Variants in HDAC9 observed in about 807,000 individuals in gnomAD.
HDAC9 encodes histone deacetylase 9.
In HDAC9, 41 loss-of-function variants were observed where a neutral mutation model predicts 139.4. The ratio of observed to expected loss-of-function variants is 0.29; its 90% CI spans 0.23 to 0.38. HDAC9 has a LOEUF of 0.38. Ranked by LOEUF, HDAC9 falls within the 10% of genes least tolerant of loss-of-function variation. The pLI, the probability that HDAC9 is intolerant of heterozygous loss-of-function variation, is 1.00. For missense variants in HDAC9, 1,147 were observed against 1,297.0 expected, an observed-to-expected ratio of 0.88 and a Z score of 1.78; for synonymous variants, 517 against 476.2, an observed-to-expected ratio of 1.09 and a Z score of -1.12.
At chr7:18,885,837 C>T (rs552543816) in intron 22 of HDAC9, among the ~76,000 whole-genome samples, 17 of 152,264 alleles carry the variant, frequency 1.1e-4, no homozygotes, top group Admixed American at 1.0e-3. Flanking sequence ...GACCATGTTT[C>T]CTATTTCTCA....
chr7:18,678,693 G>T (rs1781687030), intron 12 of HDAC9, among the ~76,000 whole-genome samples: 1 of 151,716 alleles, frequency 6.6e-6, no homozygotes, highest in African/African-American at 2.4e-5. Context: ...TTAAATCCTT[G>T]AGTGTATTTT....
At chr7:18,461,981 A>C (rs1251970841) in intron 1 of HDAC9, among the ~76,000 whole-genome samples, 2 of 152,082 alleles carry the variant, frequency 1.3e-5, no homozygotes, top group East Asian at 3.9e-4. Flanking sequence ...GGAGAAACTG[A>C]GCAGTGTGGT....
intron 2 of HDAC9, among the ~76,000 whole-genome samples, chr7:18,180,104 C>T (rs972799077): frequency 2.6e-5 from 4 of 152,084 alleles, no homozygotes; most frequent in African/African-American, 7.2e-5. Context: ...AATTACATGT[C>T]AGCTCCTTAC....
At chr7:18,263,936 T>C (rs1258880701) in intron 2 of HDAC9, among the ~76,000 whole-genome samples, 1 of 151,978 alleles carries the variant, frequency 6.6e-6, no homozygotes, top group East Asian at 1.9e-4. Flanking sequence ...ACAATAGATT[T>C]TAAAGGACAA....
intron 2 of HDAC9, among the ~76,000 whole-genome samples, chr7:18,210,488 G>A: frequency 6.6e-6 from 1 of 152,116 alleles, no homozygotes; most frequent in Admixed American, 6.5e-5. Flanking sequence ...TAGAACTAAA[G>A]ATATGTCGAG....
At chr7:18,293,098 A>G (rs1012491924) in intron 1 of HDAC9, among the ~76,000 whole-genome samples, 1 of 152,166 alleles carries the variant, frequency 6.6e-6, no homozygotes, top group African/African-American at 2.4e-5. Context: ...GCAATCTGAT[A>G]CAATTTGCAA....
chr7:18,512,008 T>C (rs1351290281), intron 2 of HDAC9, among the ~76,000 whole-genome samples: 1 of 119,610 alleles, frequency 8.4e-6, no homozygotes, highest in Admixed American at 9.5e-5. Flanking sequence ...CTGTTAATAA[T>C]GAATTAAGCA....
At chr7:18,774,304 C>G (rs1159178891) in intron 16 of HDAC9, among the ~76,000 whole-genome samples, 2 of 151,922 alleles carry the variant, frequency 1.3e-5, no homozygotes, top group African/African-American at 4.8e-5. Context: ...TATTTTTATG[C>G]TCCTGAAATC....
At chr7:18,152,634 G>C (rs965585271) in intron 1 of HDAC9, among the ~76,000 whole-genome samples, 1 of 152,062 alleles carries the variant, frequency 6.6e-6, no homozygotes, top group African/African-American at 2.4e-5. Context: ...AGAAATCACT[G>C]GTATGAAATC....
At chr7:18,736,030 CTGTT>C (rs1328486413) in intron 13 of HDAC9, among the ~76,000 whole-genome samples, 21 of 152,278 alleles carry the variant, frequency 1.4e-4, no homozygotes, top group South Asian at 4.2e-4. Flanking sequence ...ATTTGACTCT[CTGTT>C]TGTCTGTTAT....
At chr7:18,315,332 G>A (rs1268159658) in intron 1 of HDAC9, among the ~76,000 whole-genome samples, 1 of 151,958 alleles carries the variant, frequency 6.6e-6, no homozygotes, top group Non-Finnish European at 1.5e-5. Flanking sequence ...TGTTATGATC[G>A]TCCCTTTAGA....
intron 2 of HDAC9, among the ~76,000 whole-genome samples, chr7:18,170,100 T>G (rs1336096392): frequency 1.3e-5 from 2 of 152,210 alleles, no homozygotes; most frequent in African/African-American, 4.8e-5. Context: ...TTCCTATTTC[T>G]CCACATCCTC....
intron 24 of HDAC9, among the ~76,000 whole-genome samples, chr7:18,962,104 T>C (rs1484260501): frequency 1.3e-5 from 2 of 152,180 alleles, no homozygotes; most frequent in African/African-American, 4.8e-5. Flanking sequence ...CCTTATAAAC[T>C]TGTAAAATAC....
intron 22 of HDAC9, among the ~76,000 whole-genome samples, chr7:18,907,404 G>T (rs576425320): frequency 6.6e-6 from 1 of 152,298 alleles, no homozygotes; most frequent in East Asian, 1.9e-4. Flanking sequence ...ATGAAGTTTT[G>T]TTTACAATGA....
chr7:18,257,490 T>C (rs1795354188), intron 2 of HDAC9, among the ~76,000 whole-genome samples: 1 of 150,984 alleles, frequency 6.6e-6, no homozygotes, highest in South Asian at 2.1e-4. Flanking sequence ...CTACATAGAA[T>C]CCAGGTGCTA....
chr7:18,198,102 A>T (rs1430576680), intron 2 of HDAC9, among the ~76,000 whole-genome samples: 1 of 152,164 alleles, frequency 6.6e-6, no homozygotes, highest in Non-Finnish European at 1.5e-5. Context: ...CATCTTTTAT[A>T]TCCCTTTTTT....
At chr7:18,814,060 C>A (rs1421044224) in intron 17 of HDAC9, among the ~76,000 whole-genome samples, 4 of 152,138 alleles carry the variant, frequency 2.6e-5, no homozygotes, top group African/African-American at 4.8e-5. Flanking sequence ...TTCAGACTGT[C>A]GGGATTTCAT....
chr7:18,896,169 A>T (rs1390484984), intron 22 of HDAC9, among the ~76,000 whole-genome samples: 1 of 152,100 alleles, frequency 6.6e-6, no homozygotes, highest in African/African-American at 2.4e-5. Context: ...TTTATTTTCC[A>T]TTAGAGTCTT....
intron 2 of HDAC9, among the ~76,000 whole-genome samples, chr7:18,563,838 CT>C (rs374816857): frequency 0.015 from 2,010 of 132,912 alleles, 18 homozygotes; most frequent in African/African-American, 0.017. Context: ...TGATTTGCTG[CT>C]TTTTTTTTTT....
Sources: allele counts gnomAD v4.1 joint callset (sites outside exome capture counted in the v4.1 genomes callset), GRCh38; gene constraint gnomAD v4.1.1; transcripts MANE v1.5; gene names NCBI Gene and HGNC (gene_info 2026-07-23, HGNC 2026-07-21).